PCSK9: variants seen among roughly 807,000 people sequenced by gnomAD.
PCSK9 encodes the protein convertase subtilisin/kexin type 9 preproprotein.
Under a neutral mutation model 62.1 loss-of-function variants are expected in PCSK9, and 57 were observed. That is an observed-to-expected ratio of 0.92 (90% confidence interval 0.74 to 1.14). The LOEUF (loss-of-function observed/expected upper bound fraction) is 1.14, where lower values mean the gene tolerates loss of function less well. Ranked by LOEUF, PCSK9 falls within the 50% of genes most tolerant of loss-of-function variation. The pLI is 0.00. For missense variants in PCSK9, 870 were observed against 959.8 expected (o/e 0.91, Z 1.24); for synonymous variants, 387 against 409.4 (o/e 0.95, Z 0.66).
At chr1:55,060,516 C>T (rs1644751099) in intron 10 of PCSK9, among the ~76,000 whole-genome samples, 1 of 152,182 alleles carries the variant, frequency 6.6e-6, no homozygotes, top group Admixed American at 6.5e-5. Context: ...TGAGCATAGT[C>T]AGGTGGCTGG....
In PCSK9 at chr1:55,040,025, C is replaced by A. The variant is rs867904088; in HGVS notation, c.188C>A (p.Thr63Asn). 6.4e-7 allele frequency: 1 copy of A among 1,571,598 alleles called. No individual in the cohort carries two copies. The highest frequency in any genetic ancestry group is 1.3e-5 in the African/African-American group (1 of 74,100). ...AEAPEHGTTATFHRCAKDPWR... is the reference protein window; with the variant it reads ...AEAPEHGTTANFHRCAKDPWR... ...GCACCCGAGCACGGAACCACAGCCA[C>A]CTTCCACCGCTGCGCCAAGGTGCGG... Residue 63 changes from threonine (T) to asparagine (N), a missense_variant, in exon 1 of 12, where the codon ACC (threonine) becomes AAC (asparagine). By Grantham distance (65) the Thr-to-Asn change is moderately conservative. Coordinates refer to ENST00000302118, the MANE Select transcript of PCSK9 (RefSeq NM_174936.4). This position sits in a 1 kb window ranked among gnomAD's most constrained non-coding sequence, Gnocchi z 4.1.
At position 55,055,964 on chromosome 1, in the gene PCSK9, A is replaced by G. The variant is rs566645488; in HGVS notation, c.800-29A>G. On this transcript the variant is annotated intron_variant, in intron 5 of 11. Coordinates refer to ENST00000302118, the MANE Select transcript of PCSK9 (RefSeq NM_174936.4). ...TGGGAAAGGGGAGCAGGTCTCCCCAAGGGGTGACCTTGGCTTTGTTCCTCC... is the reference window on the plus strand; with the variant it reads ...TGGGAAAGGGGAGCAGGTCTCCCCAGGGGGTGACCTTGGCTTTGTTCCTCC... 15 of 1,584,354 alleles carry G rather than the reference A, an allele frequency of 9.5e-6. 1 individual carries two copies. The highest frequency in any genetic ancestry group is 9.1e-5 in the South Asian group (8 of 87,692).
intron 7 of PCSK9, 129 bp from the exon 8 acceptor site, chr1:55,057,907 A>G (rs1482735670): frequency 2.2e-6 from 3 of 1,346,766 alleles, no homozygotes; most frequent in Non-Finnish European, 3.2e-6. Flanking sequence ...TACCTTCGAG[A>G]AGAGAGCTTA....
Position 55,064,789 on chromosome 1 carries a change from G to A in PCSK9, c.*1205G>A, listed in dbSNP as rs1452510013. The A allele has an allele frequency of 6.6e-6, 1 of 152,146 alleles. No individual in the cohort carries two copies. The highest frequency in any genetic ancestry group is 1.5e-5 in the Non-Finnish European group (1 of 68,020). 9.4% of individuals were successfully genotyped at this position (152,146 alleles called of 1,614,324 possible). On this transcript the variant is annotated 3_prime_UTR_variant, in exon 12 of 12. Coordinates refer to ENST00000302118, the MANE Select transcript of PCSK9 (RefSeq NM_174936.4). ...TGTAACTTGAAGATATTTATTCTGG[G>A]TTTTGTAGCATTTTTATTAATATGG...
Position 55,052,709 on chromosome 1 carries a change from C to T in PCSK9, c.717C>T (p.Ala239=), listed in dbSNP as rs370145766. The T allele has an allele frequency of 3.1e-5, 50 of 1,613,160 alleles. 1 individual carries two copies. The highest frequency in any genetic ancestry group is 1.6e-4 in the African/African-American group (12 of 75,062). The change falls in exon 5 of 12, where the codon GCC becomes GCT. Residue 239 remains alanine (A), a synonymous_variant. Transcript: ENST00000302118. ...HLAGVVSGRD[A]GVAKGASMRS... ...CAGGGGTGGTCAGCGGCCGGGATGC[C>T]GGCGTGGCCAAGGGTGCCAGCATGC...
At chr1:55,059,450 C>G in intron 9 of PCSK9, 36 bp from the exon 10 acceptor site, 2 of 1,550,798 alleles carry the variant, frequency 1.3e-6, no homozygotes, top group Non-Finnish European at 1.7e-6. Flanking sequence ...AAAGCCCATT[C>G]TAAAGCAGAT....
chr1:55,046,776 C>A, intron 3 of PCSK9, 130 bp downstream of exon 3: 1 of 1,056,740 alleles, frequency 9.5e-7, no homozygotes, highest in South Asian at 1.5e-5. Flanking sequence ...CCACTGACCC[C>A]TTTTTTTCTG....
intron 6 of PCSK9, among the ~76,000 whole-genome samples, chr1:55,056,744 G>A (rs1644718205): frequency 6.6e-6 from 1 of 152,180 alleles, no homozygotes; most frequent in African/African-American, 2.4e-5. Context: ...GCCCTGAGGA[G>A]CTGGGGGGCA....
intron 1 of PCSK9, 77 bp from the exon 2 acceptor site, chr1:55,043,766 G>A: frequency 6.7e-7 from 1 of 1,492,908 alleles, no homozygotes; most frequent in South Asian, 1.2e-5. Context: ...TAATTTGTAA[G>A]TAGGGGTGAG....
At position 55,052,859 on chromosome 1, in the gene PCSK9, G is replaced by C. The variant is rs144110510; in HGVS notation, c.799+68G>C. The C allele has an allele frequency of 2.0e-4, 321 of 1,608,060 alleles. 2 individuals carry two copies. The African/African-American group carries it at 4.0e-3, about 20-fold the overall frequency. ...TGGCCTGGGAGGTGGCTTGGGCTGG[G>C]CCCAGGGAGAGCTAATGTCTCCTAA... On this transcript the variant is annotated intron_variant, in intron 5 of 11. Coordinates refer to ENST00000302118, the MANE Select transcript of PCSK9 (RefSeq NM_174936.4).
In PCSK9 at chr1:55,039,887, T is replaced by TGCG. The variant is rs745372726; in HGVS notation, c.52_53insGGC (p.Leu17_Leu18insArg). 1.3e-6 allele frequency: 2 copies of TGCG among 1,562,690 alleles called. No homozygotes were observed. The highest frequency in any genetic ancestry group is 2.7e-5 in the African/African-American group (2 of 73,980). On this transcript the variant is annotated inframe_insertion, in exon 1 of 12. Transcript: ENST00000302118. ...TCCTGGTGGCCGCTGCCACTGCTGC[T>TGCG]GCTGCTGCTGCTGCTCCTGGGTCCC...
At chr1:55,058,704 TG>T in intron 9 of PCSK9, 57 bp downstream of exon 9, 1 of 1,539,320 alleles carries the variant, frequency 6.5e-7, no homozygotes, top group East Asian at 2.5e-5. Context: ...TGTGTGTGTG[TG>T]TGTGTGTGTG....
intron 11 of PCSK9, among the ~76,000 whole-genome samples, chr1:55,062,812 T>C (rs560017580): frequency 1.3e-5 from 2 of 151,190 alleles, no homozygotes; most frequent in Admixed American, 6.6e-5. Flanking sequence ...CTCAGAGGAG[T>C]GTGGTCTGGC....
intron 3 of PCSK9, 79 bp downstream of exon 3, chr1:55,046,725 G>T: frequency 6.4e-7 from 1 of 1,566,120 alleles, no homozygotes; most frequent in Admixed American, 1.7e-5. Context: ...CCTCCCTGCT[G>T]GTGGTTTCCA....
chr1:55,049,867 T>C (rs1363463294), intron 3 of PCSK9, among the ~76,000 whole-genome samples: 1 of 152,202 alleles, frequency 6.6e-6, no homozygotes, highest in Non-Finnish European at 1.5e-5. Context: ...GACCCCACAG[T>C]GGTCACATCA....
At position 55,058,030 on chromosome 1, in the gene PCSK9, C is replaced by T. The variant is rs1301884424; in HGVS notation, c.1181-6C>T. 2.0e-5 allele frequency: 32 copies of T among 1,613,554 alleles called. No individual in the cohort carries two copies. The highest frequency in any genetic ancestry group is 2.5e-5 in the Non-Finnish European group (29 of 1,180,044). On this transcript the variant is annotated splice_polypyrimidine_tract_variant and splice_region_variant and intron_variant, in intron 7 of 11. Transcript: ENST00000302118. ...CACCATCTTTCACCATTCACCCCTG[C>T]ACCAGGCATTGCAGCCATGATGCTG...
At position 55,055,923 on chromosome 1, in the gene PCSK9, C is replaced by A. The variant is rs1374703008; in HGVS notation, c.800-70C>A. On this transcript the variant is annotated intron_variant, in intron 5 of 11. Coordinates refer to ENST00000302118, the MANE Select transcript of PCSK9 (RefSeq NM_174936.4). Reference sequence around the variant, plus strand: ...CCCCAAAATTAACCATCACTCTGTGCCTGTAAGGGAGGGGCTGGGAAAGGG... The same window carrying A: ...CCCCAAAATTAACCATCACTCTGTGACTGTAAGGGAGGGGCTGGGAAAGGG... The A allele has an allele frequency of 1.2e-5, 17 of 1,434,290 alleles. No homozygotes were observed. In the East Asian group the frequency reaches 4.0e-4, roughly 34 times the overall value. The allele number at this position is 1,434,290 out of a possible 1,614,324, so 88.8% of individuals were successfully genotyped here. A position where few individuals can be genotyped will look rare whatever the true frequency, so the allele number is the denominator to read the frequency against.
chr1:55,055,860 C>A (rs1473244286), intron 5 of PCSK9, 133 bp from the exon 6 acceptor site: 3 of 860,112 alleles, frequency 3.5e-6, no homozygotes, highest in African/African-American at 3.4e-5. Context: ...GCAGCATTTC[C>A]ACTGGCTTTT....
chr1:55,058,680 TG>T, intron 9 of PCSK9, 33 bp downstream of exon 9: 1 of 76,612 alleles, frequency 1.3e-5, no homozygotes, highest in East Asian at 3.9e-3. Flanking sequence ...TGTGTGTGTG[TG>T]TGTGTGTGTG....
Sources: gnomAD v4.1 joint callset for allele counts (sites outside exome capture counted in the v4.1 genomes callset) on GRCh38, gnomAD v4.1.1 for gene constraint, Gnocchi (gnomAD v3.1) non-coding constraint, MANE v1.5 for transcripts, NCBI Gene and HGNC (gene_info 2026-07-23, HGNC 2026-07-21) for gene names.